Variants in SHROOM3 observed in about 807,000 individuals in gnomAD.
SHROOM3 encodes protein Shroom3.
In SHROOM3, 47 loss-of-function variants were observed where a neutral mutation model predicts 138.6. The ratio of observed to expected loss-of-function variants is 0.34; its 90% confidence interval spans 0.27 to 0.43. The LOEUF (loss-of-function observed/expected upper bound fraction) is 0.43. Among genes scored for constraint, SHROOM3 ranks in the 20% least tolerant of loss-of-function variants. The pLI, the probability that SHROOM3 is intolerant of heterozygous loss-of-function variation, is 1.00. For synonymous variants in SHROOM3, 1,062 were observed against 1,063.3 expected (o/e 1.00, Z 0.02); for missense variants, 2,491 against 2,596.5 (o/e 0.96, Z 0.88).
intron 2 of SHROOM3, among the ~76,000 whole-genome samples, chr4:76,697,603 A>G (rs760698222): frequency 6.6e-6 from 1 of 152,164 alleles, no homozygotes; most frequent in Non-Finnish European, 1.5e-5. Context: ...TTCCTTTGTG[A>G]TCTTGAGCAG....
At chr4:76,483,258 A>T (rs116402097) in intron 1 of SHROOM3, among the ~76,000 whole-genome samples, 7,354 of 152,300 alleles carry the variant, frequency 0.048, 206 homozygotes, top group Middle Eastern at 0.075. Flanking sequence ...TTATCTGACA[A>T]AGGGTTAATA....
At chr4:76,495,578 A>C (rs1731948109) in intron 1 of SHROOM3, among the ~76,000 whole-genome samples, 1 of 152,150 alleles carries the variant, frequency 6.6e-6, no homozygotes, top group African/African-American at 2.4e-5. Context: ...CCCTCAGTAC[A>C]TCGCTTGTAA....
intron 2 of SHROOM3, among the ~76,000 whole-genome samples, chr4:76,570,426 G>A (rs1171646776): frequency 4.6e-5 from 7 of 152,048 alleles, no homozygotes; most frequent in Admixed American, 1.3e-4. Flanking sequence ...GTGTGCAATC[G>A]GTGGCATCCC....
At chr4:76,517,657 C>T (rs191483747) in intron 1 of SHROOM3, among the ~76,000 whole-genome samples, 26 of 151,318 alleles carry the variant, frequency 1.7e-4, no homozygotes, top group Admixed American at 1.6e-3. Context: ...GATGTTAGGG[C>T]TGTAGTCAGT....
chr4:76,750,286 G>A (rs10028707), intron 6 of SHROOM3, among the ~76,000 whole-genome samples: 2 of 151,776 alleles, frequency 1.3e-5, no homozygotes, highest in African/African-American at 4.8e-5. Flanking sequence ...AAGACGGGAC[G>A]AAACAACAAA....
chr4:76,504,037 C>T (rs1732153395), intron 1 of SHROOM3, among the ~76,000 whole-genome samples: 1 of 152,150 alleles, frequency 6.6e-6, no homozygotes, highest in Admixed American at 6.5e-5. Context: ...AAACAAGGAC[C>T]TGAACCGAAG....
chr4:76,693,159 G>A (rs529730026), intron 2 of SHROOM3, among the ~76,000 whole-genome samples: 1 of 152,232 alleles, frequency 6.6e-6, no homozygotes, highest in East Asian at 1.9e-4. Context: ...CAAAGATTGA[G>A]TTAATGACTG....
intron 2 of SHROOM3, among the ~76,000 whole-genome samples, chr4:76,645,889 C>T (rs1735803133): frequency 6.6e-6 from 1 of 152,096 alleles, no homozygotes; most frequent in South Asian, 2.1e-4. Flanking sequence ...GCCTCATACT[C>T]CCCAAAATAG....
intron 1 of SHROOM3, among the ~76,000 whole-genome samples, chr4:76,455,665 G>T (rs552691438): frequency 1.3e-5 from 2 of 152,114 alleles, no homozygotes; most frequent in Non-Finnish European, 2.9e-5. Flanking sequence ...TATAGAAAAA[G>T]AGTTTATCTT....
At chr4:76,519,613 G>A (rs1732521345) in intron 1 of SHROOM3, among the ~76,000 whole-genome samples, 2 of 152,146 alleles carry the variant, frequency 1.3e-5, no homozygotes, top group Non-Finnish European at 2.9e-5. Flanking sequence ...TTCCAGTGCT[G>A]GAGGGAAACT....
rs1429298697 is a variant in SHROOM3 at position 76,693,366 on chromosome 4, G to GTTTTTTTT, written c.324-16787_324-16786insTTTTTTTT. On this transcript the variant is annotated intron_variant, in intron 2 of 10. Coordinates refer to ENST00000296043, the MANE Select transcript of SHROOM3 (RefSeq NM_020859.4). Reference sequence around the variant, plus strand: ...ACTATGCATACCTTCATTTTGATAAGTTTGTTTTTTTTTTTTTTTTTTTTT... The same window carrying GTTTTTTTT: ...ACTATGCATACCTTCATTTTGATAAGTTTTTTTTTTTGTTTTTTTTTTTTTTTTTTTTT... Among the ~76,000 whole-genome samples the GTTTTTTTT allele has an allele frequency of 4.7e-3, 285 of 60,068 alleles. 13 individuals are homozygous for GTTTTTTTT. Among genetic ancestry groups the GTTTTTTTT allele is most frequent in the African/African-American group, 0.019 (270 of 14,058 alleles). The allele number at this position is 60,068 out of a possible 152,430, so 39.4% of individuals were successfully genotyped here.
At chr4:76,580,880 A>T (rs1325157978) in intron 2 of SHROOM3, among the ~76,000 whole-genome samples, 1 of 152,246 alleles carries the variant, frequency 6.6e-6, no homozygotes, top group African/African-American at 2.4e-5. Flanking sequence ...TCTACTAAGT[A>T]CATATGTAAG....
intron 2 of SHROOM3, among the ~76,000 whole-genome samples, chr4:76,643,121 G>A (rs1735718785): frequency 6.6e-6 from 1 of 151,578 alleles, no homozygotes; most frequent in Non-Finnish European, 1.5e-5. Flanking sequence ...AGCTGAGGCA[G>A]GAGAATTGCT....
intron 1 of SHROOM3, among the ~76,000 whole-genome samples, chr4:76,501,523 G>A (rs1732096070): frequency 6.6e-6 from 1 of 151,908 alleles, no homozygotes; most frequent in African/African-American, 2.4e-5. Flanking sequence ...GGAATTTCCT[G>A]GGCGGCAGGA....
At chr4:76,544,524 C>T (rs1431543260) in intron 1 of SHROOM3, among the ~76,000 whole-genome samples, 2 of 147,608 alleles carry the variant, frequency 1.4e-5, no homozygotes, top group Non-Finnish European at 3.0e-5. Context: ...TCAAGTGATC[C>T]TCCTGCCTCA....
At chr4:76,504,139 G>C (rs1042279414) in intron 1 of SHROOM3, among the ~76,000 whole-genome samples, 6 of 152,146 alleles carry the variant, frequency 3.9e-5, no homozygotes, top group African/African-American at 1.4e-4. Context: ...GATGTGTTGA[G>C]AGAGAAGCCG....
At chr4:76,487,446 C>A (rs1731755933) in intron 1 of SHROOM3, among the ~76,000 whole-genome samples, 1 of 152,052 alleles carries the variant, frequency 6.6e-6, no homozygotes, top group African/African-American at 2.4e-5. Context: ...GCTTTTAATT[C>A]TCTTAGGCAT....
rs80235498 is a variant in SHROOM3 at position 76,677,967 on chromosome 4, G to T, written c.324-32189G>T. 2.8e-3 allele frequency among the ~76,000 whole-genome samples: 432 copies of T among 152,298 alleles called. 3 individuals are homozygous for T. Among genetic ancestry groups the T allele is most frequent in the African/African-American group, 9.5e-3 (397 of 41,574 alleles). ...ATAAAATGTGTGATTTGAGGCAAAT[G>T]AAAGAGATCCTAGAAAATTAAGTAC... On this transcript the variant is annotated intron_variant, in intron 2 of 10. Coordinates refer to ENST00000296043, the MANE Select transcript of SHROOM3 (RefSeq NM_020859.4).
chr4:76,477,326 C>T (rs760492041), intron 1 of SHROOM3, among the ~76,000 whole-genome samples: 1 of 152,062 alleles, frequency 6.6e-6, no homozygotes, highest in African/African-American at 2.4e-5. Context: ...CATTTCCTAA[C>T]CAAAATAGGA....
Sources: gnomAD v4.1 joint callset for allele counts (sites outside exome capture counted in the v4.1 genomes callset) on GRCh38, gnomAD v4.1.1 for gene constraint, MANE v1.5 for transcripts, NCBI Gene and HGNC (gene_info 2026-07-23, HGNC 2026-07-21) for gene names.